Variants in SPEN observed in about 807,000 individuals in gnomAD.
SPEN encodes spen family transcriptional repressor, also known as msx2-interacting protein.
SPEN carries 18 observed loss-of-function variants against 269.9 expected under a neutral mutation model. The ratio of observed to expected loss-of-function variants is 0.07; its 90% confidence interval spans 0.05 to 0.10. SPEN has a LOEUF of 0.10. Ranked by LOEUF, SPEN falls within the 10% of genes least tolerant of loss-of-function variation. The probability of loss-of-function intolerance (pLI) is 1.00; values close to 1 mark genes in which losing one functional copy is unlikely to be tolerated. For synonymous variants in SPEN, 1,726 were observed against 1,765.7 expected (o/e 0.98, Z 0.56); for missense variants, 3,822 against 4,631.2 (o/e 0.83, Z 5.07).
In SPEN at chr1:15,940,345, T is replaced by G. The variant is rs1457327387; in HGVS notation, c.*918T>G. 1 of 233,104 alleles carries G rather than the reference T, an allele frequency of 4.3e-6. No individual in the cohort carries two copies. Among genetic ancestry groups the G allele is most frequent in the Non-Finnish European group, 8.5e-6 (1 of 117,808 alleles). 14.4% of individuals were successfully genotyped at this position (233,104 alleles called of 1,614,324 possible). ...CTAACCCCTCTTCCTATTACCTTGA[T>G]CTCTTCCCCCAACTTCCTAACACTT... is the stretch of plus-strand genomic sequence containing the variant. On this transcript the variant is annotated 3_prime_UTR_variant, in exon 15 of 15. Transcript: ENST00000375759.
intron 1 of SPEN, among the ~76,000 whole-genome samples, chr1:15,850,265 A>G (rs2070321889): frequency 6.6e-6 from 1 of 152,214 alleles, no homozygotes; most frequent in African/African-American, 2.4e-5. Context: ...AAAACGGCTT[A>G]GCTGGCAGTT....
intron 1 of SPEN, among the ~76,000 whole-genome samples, chr1:15,862,209 A>C (rs1015925883): frequency 5.3e-5 from 8 of 152,052 alleles, no homozygotes; most frequent in African/African-American, 1.2e-4. Flanking sequence ...CTTGCCTTGC[A>C]CCTTTTTTCT....
intron 3 of SPEN, among the ~76,000 whole-genome samples, chr1:15,884,739 C>CT (rs33965389): frequency 5.5e-5 from 8 of 145,776 alleles, no homozygotes; most frequent in African/African-American, 1.5e-4. Flanking sequence ...CTTTTTCTTT[C>CT]TTTTTTTTTT....
intron 10 of SPEN, among the ~76,000 whole-genome samples, chr1:15,925,076 A>G (rs4661345): frequency 0.2 from 30,516 of 152,112 alleles, 3,886 homozygotes; most frequent in African/African-American, 0.35. Flanking sequence ...TGACAACTCT[A>G]TTTGCACAGG....
At chr1:15,874,435 A>G (rs781113700) in intron 2 of SPEN, 1 of 1,295,242 alleles carries the variant, frequency 7.7e-7, no homozygotes, top group Admixed American at 2.5e-5. Context: ...CCCCTCTCCT[A>G]ACCCAAGTCA....
At chr1:15,893,024 G>GGA (rs1355421394) in intron 3 of SPEN, among the ~76,000 whole-genome samples, 23 of 152,294 alleles carry the variant, frequency 1.5e-4, no homozygotes, top group African/African-American at 5.5e-4. Context: ...TTTGAACCCA[G>GGA]GAGGTGGAGG....
intron 2 of SPEN, chr1:15,874,483 AGTAC>A: frequency 1.0e-6 from 1 of 1,002,810 alleles, no homozygotes; most frequent in African/African-American, 1.7e-5. Flanking sequence ...AGAAGTATTT[AGTAC>A]TAATAGTGAA....
intron 5 of SPEN, among the ~76,000 whole-genome samples, chr1:15,913,811 C>A (rs1466073251): frequency 6.6e-6 from 1 of 151,916 alleles, no homozygotes; most frequent in Non-Finnish European, 1.5e-5. Context: ...AAGCTATGAT[C>A]CCACCACTGC....
intron 3 of SPEN, among the ~76,000 whole-genome samples, chr1:15,895,319 C>G (rs146832382): frequency 1.1e-3 from 171 of 152,276 alleles, no homozygotes; most frequent in African/African-American, 3.4e-3. Flanking sequence ...ACAATAACTC[C>G]CATTCCTCCC....
Position 15,931,778 on chromosome 1 carries a change from G to C in SPEN, c.5538G>C (p.Arg1846Ser). ...AGCCCGTCACAAGGAAGAGTGAGAGGATAGACCGGGAAAAACTCAAGCGGT... is the reference window on the plus strand; with the variant it reads ...AGCCCGTCACAAGGAAGAGTGAGAGCATAGACCGGGAAAAACTCAAGCGGT... ...VEKPVTRKSE[R>S]IDREKLKRSN... Residue 1846 changes from arginine (R) to serine (S), a missense_variant, in exon 11 of 15, where the codon AGG (arginine) becomes AGC (serine). Transcript: ENST00000375759. The surrounding 1 kb of genome is among the most constrained non-coding windows in gnomAD (Gnocchi z 4.8). The C allele has an allele frequency of 6.2e-7, 1 of 1,614,188 alleles. No individual in the cohort carries two copies. The highest frequency in any genetic ancestry group is 2.2e-5 in the East Asian group (1 of 44,892).
Position 15,939,355 on chromosome 1 carries a change from C to T in SPEN, c.10923C>T (p.Arg3641=), listed in dbSNP as rs1038143983. The part of the protein sequence containing the change: ...PCEFSESHLS[R]LAPDLLASIS... ...AGTTCTCTGAGAGTCACCTGTCCCG[C>T]CTGGCCCCTGACCTCCTTGCCAGCA... The change falls in exon 15 of 15, where the codon CGC becomes CGT. Residue 3641 remains arginine (R), a synonymous_variant. Coordinates refer to ENST00000375759, the MANE Select transcript of SPEN (RefSeq NM_015001.3). The surrounding 1 kb of genome is among the most constrained non-coding windows in gnomAD (Gnocchi z 4.1). The T allele has an allele frequency of 1.2e-6, 2 of 1,607,388 alleles. No homozygotes were observed. The highest frequency in any genetic ancestry group is 1.7e-5 in the Admixed American group (1 of 59,174).
At chr1:15,916,641 T>C (rs548612649) in intron 6 of SPEN, among the ~76,000 whole-genome samples, 1 of 151,836 alleles carries the variant, frequency 6.6e-6, no homozygotes, top group South Asian at 2.1e-4. Context: ...GTCTCCTGAG[T>C]AGCTGGGACT....
intron 1 of SPEN, among the ~76,000 whole-genome samples, chr1:15,853,848 T>C (rs973895693): frequency 2.0e-5 from 3 of 152,094 alleles, no homozygotes; most frequent in Non-Finnish European, 4.4e-5. Flanking sequence ...TTTGTATTTT[T>C]AGTAGAGACG....
At chr1:15,927,802 A>C (rs566139239) in intron 10 of SPEN, among the ~76,000 whole-genome samples, 1 of 152,248 alleles carries the variant, frequency 6.6e-6, no homozygotes, top group Non-Finnish European at 1.5e-5. Flanking sequence ...TTTCTTTAAT[A>C]TATCTAAAAC....
intron 3 of SPEN, among the ~76,000 whole-genome samples, chr1:15,890,309 G>A (rs61782227): frequency 6.6e-6 from 1 of 151,722 alleles, no homozygotes. Context: ...TAGGCTCACT[G>A]CAACCTCTGC....
chr1:15,918,886 C>G, intron 6 of SPEN, 40 bp from the exon 7 acceptor site: 1 of 1,548,820 alleles, frequency 6.5e-7, no homozygotes, highest in Non-Finnish European at 8.8e-7. Context: ...AATTTATTTT[C>G]TTGGGCATAT....
intron 1 of SPEN, among the ~76,000 whole-genome samples, chr1:15,860,442 AGTGTGTGTGTGTGT>A (rs71574142): frequency 9.2e-5 from 11 of 120,032 alleles, no homozygotes; most frequent in Admixed American, 4.4e-4. Flanking sequence ...GTCCCACTGT[AGTGTGTGTGTGTGT>A]GTGTGTGTGT....
intron 1 of SPEN, among the ~76,000 whole-genome samples, chr1:15,852,320 G>A (rs942587147): frequency 1.2e-4 from 18 of 151,940 alleles, no homozygotes; most frequent in African/African-American, 3.1e-4. Context: ...AACCACCTCT[G>A]GTTTTGAATA....
rs765321189 is a variant in SPEN, at chr1:15,920,820, A to C, written c.1636-50A>C. 3.0e-6 allele frequency: 3 copies of C among 1,015,576 alleles called. No homozygotes were observed. In the Admixed American group the frequency reaches 7.1e-5, roughly 24 times the overall value. The allele number at this position is 1,015,576 out of a possible 1,614,324, so 62.9% of individuals were successfully genotyped here. ...TTAGGATTTTGTTGGGACTGACACT[A>C]AGTCCAGTGGATGAGGCTCTTACTT... On this transcript the variant is annotated intron_variant, in intron 8 of 14. Transcript: ENST00000375759.
Sources: allele counts gnomAD v4.1 joint callset (sites outside exome capture counted in the v4.1 genomes callset), GRCh38; gene constraint gnomAD v4.1.1; non-coding constraint Gnocchi (gnomAD v3.1); transcripts MANE v1.5; gene names NCBI Gene and HGNC (gene_info 2026-07-23, HGNC 2026-07-21).